Variants in CREB3L2 observed in about 807,000 individuals in gnomAD.
CREB3L2 encodes cAMP responsive element binding protein 3 like 2.
Under a neutral mutation model 57.2 loss-of-function variants are expected in CREB3L2, and 23 were observed. The ratio of observed to expected loss-of-function variants is 0.40; its 90% confidence interval spans 0.29 to 0.57. CREB3L2 has a LOEUF of 0.57. Among genes scored for constraint, CREB3L2 ranks in the 20% least tolerant of loss-of-function variants. The pLI, the probability that CREB3L2 is intolerant of heterozygous loss-of-function variation, is 0.42. For missense variants in CREB3L2, 628 were observed against 634.7 expected (o/e 0.99, Z 0.11); for synonymous variants, 268 against 265.1 (o/e 1.01, Z -0.11).
intron 1 of CREB3L2, among the ~76,000 whole-genome samples, chr7:137,936,384 C>T (rs867192190): frequency 6.6e-5 from 10 of 152,322 alleles, no homozygotes; most frequent in South Asian, 6.2e-4. Context: ...CCCAGCCTTG[C>T]ACTTCAGTGG....
chr7:137,944,516 A>T (rs1800934102), intron 1 of CREB3L2, among the ~76,000 whole-genome samples: 1 of 152,242 alleles, frequency 6.6e-6, no homozygotes, highest in South Asian at 2.1e-4. Context: ...TGAACATTAG[A>T]CCATTTGAGT....
intron 1 of CREB3L2, among the ~76,000 whole-genome samples, chr7:137,973,268 T>G (rs1317440921): frequency 6.6e-6 from 1 of 152,044 alleles, no homozygotes; most frequent in Admixed American, 6.6e-5. Context: ...AAGTCCCCAT[T>G]CCAACTTGTT....
At chr7:137,981,665 G>A (rs1239131595) in intron 1 of CREB3L2, among the ~76,000 whole-genome samples, 1 of 152,206 alleles carries the variant, frequency 6.6e-6, no homozygotes, top group African/African-American at 2.4e-5. Flanking sequence ...GAATGAATGT[G>A]GGGGCCAGAG....
intron 1 of CREB3L2, among the ~76,000 whole-genome samples, chr7:137,961,411 T>C (rs933939564): frequency 6.6e-6 from 1 of 152,080 alleles, no homozygotes; most frequent in African/African-American, 2.4e-5. Flanking sequence ...TGAGTCAGGC[T>C]TTCTCTCCTT....
chr7:137,996,750 G>C (rs1303968391), intron 1 of CREB3L2, among the ~76,000 whole-genome samples: 1 of 152,090 alleles, frequency 6.6e-6, no homozygotes, highest in South Asian at 2.1e-4. Context: ...CACTGTCTGG[G>C]ACCAGTGGTT....
intron 1 of CREB3L2, among the ~76,000 whole-genome samples, chr7:137,953,916 T>C (rs1801156203): frequency 6.6e-6 from 1 of 152,136 alleles, no homozygotes; most frequent in Admixed American, 6.5e-5. Flanking sequence ...TCCTGTAACC[T>C]CTCCAGGAGG....
chr7:137,935,513 T>C (rs529816856), intron 1 of CREB3L2, among the ~76,000 whole-genome samples: 16 of 152,362 alleles, frequency 1.1e-4, no homozygotes, highest in Admixed American at 7.2e-4. Context: ...TTGACACATT[T>C]TTCCTTTTCT....
rs765653968 is a variant in CREB3L2, at chr7:137,901,439, A to G, written c.975-17T>C. On this transcript the variant is annotated splice_polypyrimidine_tract_variant and intron_variant, in intron 7 of 11. Coordinates refer to ENST00000330387, the MANE Select transcript of CREB3L2 (RefSeq NM_194071.4). ...GACTCCACTCTACAAAGGAGGGAGA[A>G]AGAAGAAAATTATTATCCATAGAGC... 6.4e-7 allele frequency: 1 copy of G among 1,564,128 alleles called. No individual in the cohort carries two copies. Among genetic ancestry groups the G allele is most frequent in the East Asian group, 2.2e-5 (1 of 44,598 alleles).
intron 1 of CREB3L2, among the ~76,000 whole-genome samples, chr7:137,983,663 A>G (rs1213141361): frequency 6.6e-6 from 1 of 152,130 alleles, no homozygotes. Context: ...CCTCCAAGCC[A>G]CCTTCCCGGC....
At chr7:137,916,034 C>G (rs761485490) in intron 2 of CREB3L2, 22 bp from the exon 3 acceptor site, 1 of 1,600,910 alleles carries the variant, frequency 6.2e-7, no homozygotes, top group East Asian at 2.2e-5. Context: ...AAGACAAGCA[C>G]ACATGTGAAC....
rs1228507995 is a variant in CREB3L2 at position 137,908,402 on chromosome 7, AG to A, written c.617del (p.Pro206LeufsTer13). On this transcript the variant is annotated frameshift_variant, in exon 5 of 12. Transcript: ENST00000330387. LOFTEE classifies it high-confidence loss of function. ...CTGAGTCACTGCCGTGACTGCTCGG[AG>A]GGGTGGGCGGCAAATGCAGGTGGTC... Reference protein sequence around the residue: ...PVDHLHLPPTPPSSHGSDSEG... With the variant: ...PVDHLHLPPTXPSSHGSDSEG... 1.6e-6 allele frequency: 2 copies of A among 1,266,188 alleles called. No individual in the cohort carries two copies. The highest frequency in any genetic ancestry group is 1.0e-6 in the Non-Finnish European group (1 of 997,822). 78.4% of individuals were successfully genotyped at this position (1,266,188 alleles called of 1,614,324 possible).
chr7:137,931,138 A>G (rs1800607561), intron 1 of CREB3L2, among the ~76,000 whole-genome samples: 1 of 151,434 alleles, frequency 6.6e-6, no homozygotes, highest in Admixed American at 6.6e-5. Context: ...AGGGTGAGGA[A>G]GGAGGATTCC....
At chr7:137,976,592 C>G (rs1476727236) in intron 1 of CREB3L2, among the ~76,000 whole-genome samples, 3 of 152,164 alleles carry the variant, frequency 2.0e-5, no homozygotes, top group African/African-American at 7.2e-5. Context: ...ACAAACCTAC[C>G]CATTGACATA....
chr7:137,960,450 G>C (rs1801299136), intron 1 of CREB3L2, among the ~76,000 whole-genome samples: 1 of 152,038 alleles, frequency 6.6e-6, no homozygotes. Context: ...GAAAATAAAA[G>C]AAAGAAGTAA....
chr7:137,884,826 G>A, intron 10 of CREB3L2, 169 bp downstream of exon 10: 2 of 818,404 alleles, frequency 2.4e-6, no homozygotes, highest in Non-Finnish European at 2.1e-6. Context: ...CAGTCCAGTG[G>A]ATGAGGGGCC....
In CREB3L2 at chr7:137,925,069, T is replaced by A. The variant is rs543693400; in HGVS notation, c.319+3081A>T. 2.0e-5 allele frequency among the ~76,000 whole-genome samples: 3 copies of A among 152,150 alleles called. No individual in the cohort carries two copies. The South Asian group carries it at 6.2e-4, about 32-fold the overall frequency. ...GTGATAGAATGATAGGATAAGAACA[T>A]CTGTGTGTGCCCTTTTCAGTTGTCC... On this transcript the variant is annotated intron_variant, in intron 2 of 11. Coordinates refer to ENST00000330387, the MANE Select transcript of CREB3L2 (RefSeq NM_194071.4).
At chr7:137,904,439 GT>G (rs1799837344) in intron 6 of CREB3L2, among the ~76,000 whole-genome samples, 1 of 152,218 alleles carries the variant, frequency 6.6e-6, no homozygotes, top group South Asian at 2.1e-4. Flanking sequence ...GCCAAGGCGG[GT>G]AGATCACCTG....
chr7:138,002,046 C>A lies in CREB3L2; in HGVS notation c.-341G>T. The A allele has an allele frequency of 3.2e-6, 1 of 312,516 alleles. No individual in the cohort carries two copies. Among genetic ancestry groups the A allele is most frequent in the Non-Finnish European group, 6.0e-6 (1 of 166,996 alleles). 19.4% of individuals were successfully genotyped at this position (312,516 alleles called of 1,614,324 possible). The stretch of plus-strand genomic sequence containing the variant: ...CGCAAGCCCACTTGCCGCTACGGCT[C>A]CAGACACAAACTTTGAGGGACCCCA... On this transcript the variant is annotated 5_prime_UTR_variant, in exon 1 of 12. Transcript: ENST00000330387.
chr7:137,902,481 A>G (rs74406332), intron 7 of CREB3L2, among the ~76,000 whole-genome samples: 7,401 of 152,218 alleles, frequency 0.049, 570 homozygotes, highest in African/African-American at 0.17. Context: ...GCATGCCCAA[A>G]AGAGACAGTA....
Sources: allele counts gnomAD v4.1 joint callset (sites outside exome capture counted in the v4.1 genomes callset), GRCh38; gene constraint gnomAD v4.1.1; transcripts MANE v1.5; gene names NCBI Gene and HGNC (gene_info 2026-07-23, HGNC 2026-07-21).